Variants in ARSH observed in about 807,000 individuals in gnomAD.
The protein encoded by ARSH is arylsulfatase H.
Under a neutral mutation model 28.7 loss-of-function variants are expected in ARSH, and 32 were observed. That is an observed-to-expected ratio of 1.11 (90% confidence interval 0.84 to 1.50). The LOEUF is 1.50. Among genes scored for constraint, ARSH ranks in the 40% most tolerant of loss-of-function variants. The pLI is 0.00. For synonymous variants in ARSH, 176 were observed against 177.3 expected, an observed-to-expected ratio of 0.99 and a Z score of 0.06; for missense variants, 440 against 452.4, an observed-to-expected ratio of 0.97 and a Z score of 0.25.
intron 6 of ARSH, among the ~76,000 whole-genome samples, chrX:3,025,175 A>G (rs945689111): frequency 1.8e-5 from 2 of 108,268 alleles, no homozygotes; most frequent in African/African-American, 6.6e-5. Flanking sequence ...TTCATTACAC[A>G]TAACACATAT....
intron 2 of ARSH, among the ~76,000 whole-genome samples, chrX:3,012,592 T>TAAA (rs60273904): frequency 1.6e-4 from 4 of 25,778 alleles, no homozygotes; most frequent in African/African-American, 7.2e-4. Flanking sequence ...TATATATATA[T>TAAA]ATATATAATA....
chrX:3,024,734 T>G (rs1328611353), intron 6 of ARSH, among the ~76,000 whole-genome samples: 1 of 111,505 alleles, frequency 9.0e-6, no homozygotes, highest in Non-Finnish European at 1.9e-5. Context: ...TTCATTTGAC[T>G]GGGGTGCCTA....
intron 1 of ARSH, among the ~76,000 whole-genome samples, chrX:3,008,455 TTC>T (rs1491588783): frequency 1.3e-3 from 44 of 33,469 alleles, no homozygotes; most frequent in African/African-American, 4.8e-3. Context: ...CTTATTTTCT[TTC>T]TTTCTTTCTT....
chrX:3,024,091 CGGG>C lies in ARSH; in HGVS notation c.975_977del (p.Gly326del), dbSNP rs768320029. The C allele has an allele frequency of 4.1e-6, 5 of 1,207,468 alleles. No individual in the cohort carries two copies. The highest frequency in any genetic ancestry group is 5.6e-6 in the Non-Finnish European group (5 of 893,703). The stretch of plus-strand genomic sequence containing the variant: ...CCTTGGTGTACTTCACCTCTGACAA[CGGG>C]GGCCACCTGGAGCCCCTGGACGGGG... On this transcript the variant is annotated inframe_deletion, in exon 6 of 9. Coordinates refer to ENST00000381130, the MANE Select transcript of ARSH (RefSeq NM_001011719.2).
At position 3,033,104 on chromosome X, in the gene ARSH, T is replaced by A; in HGVS notation, c.1408T>A (p.Cys470Ser). The A allele has an allele frequency of 2.5e-6, 3 of 1,211,436 alleles. No homozygotes were observed. Among genetic ancestry groups the A allele is most frequent in the Non-Finnish European group, 3.4e-6 (3 of 895,456 alleles). ...CTGCTATGGGAGTGGAATATGTTCATGTTCGGGGGATGTAACCTACCACGA... is the reference window on the plus strand; with the variant it reads ...CTGCTATGGGAGTGGAATATGTTCAAGTTCGGGGGATGTAACCTACCACGA... ...GACYGSGICSCSGDVTYHDPP... is the reference protein window; with the variant it reads ...GACYGSGICSSSGDVTYHDPP... The change falls in exon 9 of 9, where the codon TGT becomes AGT. Residue 470 changes from cysteine (C) to serine (S), a missense_variant. By Grantham distance (112) the Cys-to-Ser change is moderately radical. Transcript: ENST00000381130.
chrX:3,011,095 C>T (rs1424130220), intron 2 of ARSH, among the ~76,000 whole-genome samples: 2 of 110,442 alleles, frequency 1.8e-5, no homozygotes, highest in Non-Finnish European at 3.8e-5. Context: ...CAAGGTTCTC[C>T]ATTTTGTTCA....
chrX:3,024,001 G>T lies in ARSH; in HGVS notation c.902-20G>T, dbSNP rs1274313072. 5.0e-6 allele frequency: 6 copies of T among 1,206,325 alleles called. No individual in the cohort carries two copies. The highest frequency in any genetic ancestry group is 2.3e-4 in the Middle Eastern group (1 of 4,313). On this transcript the variant is annotated intron_variant, in intron 5 of 8. Coordinates refer to ENST00000381130, the MANE Select transcript of ARSH (RefSeq NM_001011719.2). ...TCTGCATCAAGAGGTCAACGTCTTTGTGTCTCTGACCCTCTCCAGGTAAAA... is the reference window on the plus strand; with the variant it reads ...TCTGCATCAAGAGGTCAACGTCTTTTTGTCTCTGACCCTCTCCAGGTAAAA...
chrX:3,018,791 TGTTTC>T, intron 5 of ARSH, 121 bp downstream of exon 5: 1 of 725,100 alleles, frequency 1.4e-6, no homozygotes, highest in African/African-American at 2.1e-5. Context: ...GAAAAGTATC[TGTTTC>T]ATCCCTTAAT....
At chrX:3,017,142 G>A (rs934392560) in intron 4 of ARSH, among the ~76,000 whole-genome samples, 35 of 111,227 alleles carry the variant, frequency 3.1e-4, no homozygotes, top group African/African-American at 1.1e-3. Flanking sequence ...TGCCCTTCCC[G>A]TCCCAACCCA....
chrX:3,027,549 GT>G, intron 7 of ARSH, 74 bp downstream of exon 7: 1 of 1,024,063 alleles, frequency 9.8e-7, no homozygotes, highest in Non-Finnish European at 1.3e-6. Context: ...ATAATTCTAT[GT>G]GTGTGTGTAT....
rs767655042 is a variant in ARSH, at chrX:3,014,633, C to A, written c.341-337C>A. Reference sequence around the variant, plus strand: ...CAACCAAGACATCGATTCTGCCCTCCTAGCAAGCTCCAGATACCTGGAAAG... The same window carrying A: ...CAACCAAGACATCGATTCTGCCCTCATAGCAAGCTCCAGATACCTGGAAAG... On this transcript the variant is annotated intron_variant, in intron 3 of 8. Coordinates refer to ENST00000381130, the MANE Select transcript of ARSH (RefSeq NM_001011719.2). Among the ~76,000 whole-genome samples, 15 of 111,452 alleles carry A rather than the reference C, an allele frequency of 1.3e-4. No homozygotes were observed. In the South Asian group the frequency reaches 5.7e-3, roughly 42 times the overall value.
chrX:3,032,393 G>A (rs988190585), intron 8 of ARSH, among the ~76,000 whole-genome samples: 2 of 104,682 alleles, frequency 1.9e-5, no homozygotes, highest in African/African-American at 3.5e-5. Context: ...GGGAGGGAGG[G>A]AGGAAGGAAA....
chrX:3,012,502 C>T (rs1302264009), intron 2 of ARSH, among the ~76,000 whole-genome samples: 1 of 78,986 alleles, frequency 1.3e-5, no homozygotes, highest in Non-Finnish European at 2.3e-5. Context: ...GATGTTGACA[C>T]TGCACTCCAG....
At chrX:3,014,231 C>T (rs1378941786) in intron 3 of ARSH, among the ~76,000 whole-genome samples, 4 of 111,686 alleles carry the variant, frequency 3.6e-5, no homozygotes, top group African/African-American at 6.5e-5. Context: ...CATGCCACTG[C>T]GCTCCAGCCT....
At chrX:3,027,211 C>G in intron 6 of ARSH, 102 bp from the exon 7 acceptor site, 1 of 907,536 alleles carries the variant, frequency 1.1e-6, no homozygotes, top group Non-Finnish European at 1.5e-6. Context: ...CCGCCCACCT[C>G]GGCCCCCCAA....
intron 8 of ARSH, among the ~76,000 whole-genome samples, chrX:3,030,046 G>T (rs935984999): frequency 9.0e-6 from 1 of 111,248 alleles, no homozygotes; most frequent in Non-Finnish European, 1.9e-5. Context: ...ACTTAGGGAG[G>T]TGAGTGCTGA....
At chrX:3,031,380 C>T (rs2089913450) in intron 8 of ARSH, among the ~76,000 whole-genome samples, 1 of 111,821 alleles carries the variant, frequency 8.9e-6, no homozygotes, top group Non-Finnish European at 1.9e-5. Context: ...TTCTAACATC[C>T]TAGTGATTGT....
At position 3,034,076 on chromosome X, in the gene ARSH, G is replaced by A. The variant is rs2089922346; in HGVS notation, c.*691G>A. On this transcript the variant is annotated 3_prime_UTR_variant, in exon 9 of 9. Transcript: ENST00000381130. ...ATTAATTAATGTGAAATTGCCTTGT[G>A]TAGAATAAGCAGTCAATAAATGTTA... is the stretch of plus-strand genomic sequence containing the variant. Among the ~76,000 whole-genome samples, 1 of 111,978 alleles carries A rather than the reference G, an allele frequency of 8.9e-6. No homozygotes were observed. Among genetic ancestry groups the A allele is most frequent in the Non-Finnish European group, 1.9e-5 (1 of 53,313 alleles).
rs1173324927 is a variant in ARSH at position 3,017,634 on chromosome X, G to A, written c.765-900G>A. Among the ~76,000 whole-genome samples, 3 of 111,835 alleles carry A rather than the reference G, an allele frequency of 2.7e-5. No homozygotes were observed. In the East Asian group the frequency reaches 8.4e-4, roughly 31 times the overall value. On this transcript the variant is annotated intron_variant, in intron 4 of 8. Transcript: ENST00000381130. ...GGAATTTATTTCTCTCTTGGGGTAG[G>A]CAGGCTACAGATACAGTGAGGTTAT...
Sources: allele counts gnomAD v4.1 joint callset (sites outside exome capture counted in the v4.1 genomes callset), GRCh38; gene constraint gnomAD v4.1.1; transcripts MANE v1.5; gene names NCBI Gene and HGNC (gene_info 2026-07-23, HGNC 2026-07-21).